ZNF804B: variants seen among roughly 807,000 people sequenced by gnomAD.
The protein encoded by ZNF804B is zinc finger protein 804B.
Under a neutral mutation model 101.4 loss-of-function variants are expected in ZNF804B, and 80 were observed. The ratio of observed to expected loss-of-function variants is 0.79; its 90% CI spans 0.66 to 0.95. The LOEUF is 0.95. Among genes scored for constraint, ZNF804B ranks in the 40% least tolerant of loss-of-function variants. ZNF804B has a pLI of 0.00. For missense variants in ZNF804B, 1,673 were observed against 1,561.9 expected (o/e 1.07, Z -1.20); for synonymous variants, 622 against 558.8 (o/e 1.11, Z -1.59).
Position 89,335,536 on chromosome 7 carries a change from G to A in ZNF804B, c.2554G>A (p.Asp852Asn), listed in dbSNP as rs1462544427. The A allele has an allele frequency of 1.5e-5, 24 of 1,613,872 alleles. No individual in the cohort carries two copies. The highest frequency in any genetic ancestry group is 3.3e-5 in the Admixed American group (2 of 59,940). The change falls in exon 4 of 4, where the codon GAC (aspartate) becomes AAC (asparagine). Residue 852 changes from aspartate to asparagine, a missense_variant. By Grantham distance (23) the Asp-to-Asn change is conservative (BLOSUM62 1). Transcript: ENST00000333190. ...KPPNCQGTQH[D>N]RLDSYSIEKM... ...ACCTAATTGCCAGGGAACTCAGCAC[G>A]ACAGATTGGACTCTTACTCAATAGA...
intron 1 of ZNF804B, among the ~76,000 whole-genome samples, chr7:88,866,099 G>T (rs959155466): frequency 1.3e-5 from 2 of 152,120 alleles, no homozygotes; most frequent in South Asian, 2.1e-4. Flanking sequence ...AAGACTAATA[G>T]AATAGGCGAC....
At chr7:89,136,050 A>T (rs1790630091) in intron 1 of ZNF804B, among the ~76,000 whole-genome samples, 1 of 152,134 alleles carries the variant, frequency 6.6e-6, no homozygotes, top group Non-Finnish European at 1.5e-5. Context: ...ATTTATTTGT[A>T]GCTTGCTAAC....
chr7:89,205,503 T>G (rs565542069), intron 1 of ZNF804B, among the ~76,000 whole-genome samples: 8 of 152,158 alleles, frequency 5.3e-5, no homozygotes, highest in Non-Finnish European at 8.8e-5. Context: ...TCATTCCAAA[T>G]GGGAGAAATT....
intron 1 of ZNF804B, among the ~76,000 whole-genome samples, chr7:89,153,414 A>AATG (rs542991833): frequency 7.9e-4 from 111 of 140,834 alleles, no homozygotes; most frequent in East Asian, 3.7e-3. Flanking sequence ...CACTACTACT[A>AATG]ATGATGATGA....
chr7:88,875,008 C>G (rs1468997610), intron 1 of ZNF804B, among the ~76,000 whole-genome samples: 14 of 129,108 alleles, frequency 1.1e-4, no homozygotes, highest in Non-Finnish European at 1.9e-4. Context: ...AAGAATCTCA[C>G]TCAAAACCGC....
chr7:89,166,248 T>G (rs567394666), intron 1 of ZNF804B, among the ~76,000 whole-genome samples: 152 of 152,294 alleles, frequency 1.0e-3, no homozygotes, highest in Non-Finnish European at 1.6e-3. Context: ...AAGTTGTACA[T>G]TTAACCTTTG....
intron 1 of ZNF804B, among the ~76,000 whole-genome samples, chr7:88,870,379 C>A (rs867879155): frequency 2.6e-5 from 2 of 75,562 alleles, no homozygotes; most frequent in African/African-American, 1.4e-4. Context: ...AGCGAAACTC[C>A]GTCTCAAAAA....
rs548521238 is a variant in ZNF804B, at chr7:89,077,608, G to T, written c.109-140547G>T. Among the ~76,000 whole-genome samples the T allele has an allele frequency of 3.3e-5, 5 of 152,164 alleles. No homozygotes were observed. In the South Asian group the frequency reaches 8.3e-4, roughly 25 times the overall value. ...CTTTATGTTCTGCTCAAGTTCAAAA[G>T]ATAACTTTTTTAAAGTTCTGAATTT... On this transcript the variant is annotated intron_variant, in intron 1 of 3. Transcript: ENST00000333190.
At chr7:89,055,760 C>T (rs1242204475) in intron 1 of ZNF804B, among the ~76,000 whole-genome samples, 1 of 151,970 alleles carries the variant, frequency 6.6e-6, no homozygotes, top group Non-Finnish European at 1.5e-5. Flanking sequence ...CCTTATTGCT[C>T]TGGAGGTTTG....
intron 2 of ZNF804B, among the ~76,000 whole-genome samples, chr7:89,242,643 A>G (rs567485517): frequency 1.3e-5 from 2 of 151,946 alleles, no homozygotes; most frequent in East Asian, 3.9e-4. Flanking sequence ...AAAAAAGATA[A>G]CTTAAAATAA....
At chr7:88,902,213 C>T (rs567061019) in intron 1 of ZNF804B, among the ~76,000 whole-genome samples, 1 of 152,024 alleles carries the variant, frequency 6.6e-6, no homozygotes, top group South Asian at 2.1e-4. Context: ...GAGTGGGATA[C>T]ATGACTATTA....
intron 1 of ZNF804B, among the ~76,000 whole-genome samples, chr7:88,991,838 A>T (rs1793851753): frequency 6.6e-6 from 1 of 152,164 alleles, no homozygotes; most frequent in Non-Finnish European, 1.5e-5. Flanking sequence ...CTTACATATG[A>T]TATAGCTACT....
intron 1 of ZNF804B, among the ~76,000 whole-genome samples, chr7:89,005,199 T>C (rs1788354706): frequency 6.6e-6 from 1 of 151,990 alleles, no homozygotes. Context: ...AAAGTGAATA[T>C]AAAAATATTT....
chr7:89,223,520 A>C (rs914440757), intron 2 of ZNF804B, among the ~76,000 whole-genome samples: 2 of 151,832 alleles, frequency 1.3e-5, no homozygotes, highest in Non-Finnish European at 2.9e-5. Context: ...TCAAGAAATA[A>C]AGTAAAAGAG....
At chr7:89,245,584 A>C (rs2115773520) in intron 2 of ZNF804B, among the ~76,000 whole-genome samples, 1 of 152,314 alleles carries the variant, frequency 6.6e-6, no homozygotes, top group Non-Finnish European at 1.5e-5. Context: ...AATTTCATGA[A>C]TCAAAGAAAA....
intron 1 of ZNF804B, among the ~76,000 whole-genome samples, chr7:89,188,749 G>C (rs564894589): frequency 3.9e-5 from 6 of 152,228 alleles, no homozygotes; most frequent in African/African-American, 1.4e-4. Context: ...ATTCCCTTAA[G>C]CAAAAGCCTA....
intron 1 of ZNF804B, among the ~76,000 whole-genome samples, chr7:88,855,695 A>G (rs2115842816): frequency 6.6e-6 from 1 of 152,276 alleles, no homozygotes; most frequent in South Asian, 2.1e-4. Context: ...TATGTCCTGA[A>G]TGGTATTGCC....
chr7:88,797,194 T>C (rs1790499610), intron 1 of ZNF804B, among the ~76,000 whole-genome samples: 1 of 152,106 alleles, frequency 6.6e-6, no homozygotes, highest in Admixed American at 6.6e-5. Flanking sequence ...CCAAGTTATA[T>C]ACTCCAACTC....
intron 1 of ZNF804B, among the ~76,000 whole-genome samples, chr7:89,114,965 A>C (rs1790285935): frequency 6.6e-6 from 1 of 152,232 alleles, no homozygotes; most frequent in South Asian, 2.1e-4. Flanking sequence ...ACCATAACCA[A>C]GTATTTTTTT....
Sources: allele counts gnomAD v4.1 joint callset (sites outside exome capture counted in the v4.1 genomes callset), GRCh38; gene constraint gnomAD v4.1.1; transcripts MANE v1.5; gene names NCBI Gene and HGNC (gene_info 2026-07-23, HGNC 2026-07-21).